FANCI: variants seen among roughly 807,000 people sequenced by gnomAD.
FANCI encodes the protein Fanconi anemia group I protein.
In FANCI, 156 loss-of-function variants were observed where a neutral mutation model predicts 176.1. That is an observed-to-expected ratio of 0.89 (90% CI 0.78 to 1.01). The LOEUF is 1.01. Ranked by LOEUF, FANCI falls within the 50% of genes least tolerant of loss-of-function variation. The probability of loss-of-function intolerance (pLI) is 0.00; values close to 1 mark genes in which losing one functional copy is unlikely to be tolerated. For synonymous variants in FANCI, 613 were observed against 541.7 expected, an observed-to-expected ratio of 1.13 and a Z score of -1.83; for missense variants, 1,678 against 1,534.1, an observed-to-expected ratio of 1.09 and a Z score of -1.57.
At chr15:89,262,030 TAGTG>T (rs2052732683) in intron 6 of FANCI, 152 bp downstream of exon 6, 1 of 704,568 alleles carries the variant, frequency 1.4e-6, no homozygotes. Flanking sequence ...TGCAATGAAT[TAGTG>T]AGAAAGAAAT....
chr15:89,258,374 A>G (rs534501370), intron 2 of FANCI, among the ~76,000 whole-genome samples: 1 of 152,296 alleles, frequency 6.6e-6, no homozygotes, highest in African/African-American at 2.4e-5. Flanking sequence ...ACTCTGAGTC[A>G]AATTACTATG....
intron 37 of FANCI, among the ~76,000 whole-genome samples, chr15:89,316,131 GCTT>G (rs1317468719): frequency 6.6e-6 from 1 of 152,268 alleles, no homozygotes; most frequent in South Asian, 2.1e-4. Flanking sequence ...GATGTCAATG[GCTT>G]CTTCTCTTGT....
At position 89,307,697 on chromosome 15, in the gene FANCI, A is replaced by G. The variant is rs564772882; in HGVS notation, c.3651+25A>G. On this transcript the variant is annotated intron_variant, in intron 34 of 37. Coordinates refer to ENST00000310775, the MANE Select transcript of FANCI (RefSeq NM_001113378.2). Reference sequence around the variant, plus strand: ...GGTAAGAGATTCAGAGGCAGTACCCAATAGGTCTTCAAGAAAGGATTTCTT... The same window carrying G: ...GGTAAGAGATTCAGAGGCAGTACCCGATAGGTCTTCAAGAAAGGATTTCTT... 2.3e-5 allele frequency: 37 copies of G among 1,614,162 alleles called. No homozygotes were observed. The South Asian group carries it at 3.4e-4, about 15-fold the overall frequency.
At chr15:89,251,049 G>GA (rs1310851484) in intron 2 of FANCI, among the ~76,000 whole-genome samples, 3 of 151,640 alleles carry the variant, frequency 2.0e-5, no homozygotes, top group Non-Finnish European at 4.4e-5. Context: ...CTTTGTGGGG[G>GA]AAAAAAACAC....
In FANCI at chr15:89,270,766, A is replaced by G. The variant is rs754603224; in HGVS notation, c.882+2241A>G. Among the ~76,000 whole-genome samples, 12 of 152,200 alleles carry G rather than the reference A, an allele frequency of 7.9e-5. No individual in the cohort carries two copies. The East Asian group carries it at 1.2e-3, about 15-fold the overall frequency. ...CAAATTTAGCCAGTTGGATCCTTCAAGTCAGCTTATGTGTTCTTTTGATGT... is the reference window on the plus strand; with the variant it reads ...CAAATTTAGCCAGTTGGATCCTTCAGGTCAGCTTATGTGTTCTTTTGATGT... On this transcript the variant is annotated intron_variant, in intron 10 of 37. Transcript: ENST00000310775.
intron 24 of FANCI, among the ~76,000 whole-genome samples, chr15:89,297,125 C>T (rs1458832094): frequency 2.0e-4 from 30 of 147,192 alleles, no homozygotes; most frequent in Non-Finnish European, 2.9e-4. Context: ...TCAGACGGGG[C>T]GGCTGCCGGG....
At chr15:89,312,272 A>AGGGACG (rs1044721528) in intron 34 of FANCI, among the ~76,000 whole-genome samples, 2 of 152,164 alleles carry the variant, frequency 1.3e-5, no homozygotes, top group Non-Finnish European at 2.9e-5. Flanking sequence ...CCACCTTGAC[A>AGGGACG]GTCCCCATTT....
chr15:89,313,018 C>A (rs369678657), intron 35 of FANCI, 46 bp downstream of exon 35: 1 of 1,560,872 alleles, frequency 6.4e-7, no homozygotes, highest in African/African-American at 1.4e-5. Flanking sequence ...TTGGTGAACC[C>A]GAAAACATGA....
intron 2 of FANCI, among the ~76,000 whole-genome samples, chr15:89,250,517 T>A (rs1423305429): frequency 8.0e-6 from 1 of 125,062 alleles, no homozygotes; most frequent in East Asian, 2.5e-4. Flanking sequence ...GACACGGGAA[T>A]GGGAACATCA....
chr15:89,247,778 A>T, intron 2 of FANCI, 47 bp downstream of exon 2: 2 of 1,520,896 alleles, frequency 1.3e-6, no homozygotes, highest in Non-Finnish European at 1.8e-6. Flanking sequence ...GTCAGGCATG[A>T]TGACACATTC....
At position 89,305,180 on chromosome 15, in the gene FANCI, C is replaced by G. The variant is rs752438879; in HGVS notation, c.3124C>G (p.Pro1042Ala). The change falls in exon 29 of 38, where the codon CCT becomes GCT. Residue 1042 changes from proline (P) to alanine (A), a missense_variant. Transcript: ENST00000310775. ...CAGCCTGCATGTTTCGTATAAGAGT[C>G]CTGTCATTCTGCTGCGTGACTTGTC... ...LFSLHVSYKS[P>A]VILLRDLSQD... 12 of 1,614,212 alleles carry G rather than the reference C, an allele frequency of 7.4e-6. No individual in the cohort carries two copies. The South Asian group carries it at 1.2e-4, about 16-fold the overall frequency.
intron 16 of FANCI, chr15:89,282,821 T>G: frequency 2.7e-6 from 1 of 367,452 alleles, no homozygotes; most frequent in Non-Finnish European, 5.2e-6. Context: ...ATCAGCAATT[T>G]CTTACATTTG....
At chr15:89,246,763 C>CTTTTTTTT (rs35104299) in intron 1 of FANCI, among the ~76,000 whole-genome samples, 39 of 113,944 alleles carry the variant, frequency 3.4e-4, no homozygotes, top group Middle Eastern at 5.6e-3. Context: ...TTCTTCCTTT[C>CTTTTTTTT]TTTTTTTTTT....
chr15:89,311,258 C>CAA (rs946956959), intron 34 of FANCI, among the ~76,000 whole-genome samples: 1 of 124,620 alleles, frequency 8.0e-6, no homozygotes, highest in African/African-American at 3.0e-5. Flanking sequence ...GACTCTGTCT[C>CAA]AAAAAAAAAA....
intron 10 of FANCI, 106 bp downstream of exon 10, chr15:89,268,631 A>G: frequency 7.2e-7 from 1 of 1,397,442 alleles, no homozygotes; most frequent in East Asian, 2.3e-5. Flanking sequence ...CTGTAAAATG[A>G]CCCTGGGTGT....
chr15:89,302,863 G>A (rs1041887288), intron 27 of FANCI, among the ~76,000 whole-genome samples: 52 of 152,072 alleles, frequency 3.4e-4, no homozygotes, highest in African/African-American at 1.2e-3. Context: ...GTGAGCCACC[G>A]CGCCTGGCCA....
chr15:89,274,080 G>T (rs2053312582), intron 11 of FANCI, 88 bp from the exon 12 acceptor site: 2 of 1,030,164 alleles, frequency 1.9e-6, no homozygotes, highest in Admixed American at 2.4e-5. Context: ...TATAATATTT[G>T]CTTTATTTTC....
chr15:89,270,611 G>T (rs556185425), intron 10 of FANCI, among the ~76,000 whole-genome samples: 1 of 151,668 alleles, frequency 6.6e-6, no homozygotes, highest in South Asian at 2.1e-4. Context: ...TTATTAGCTG[G>T]CATTCTTCTG....
rs567157829 is a variant in FANCI at position 89,306,121 on chromosome 15, C to T, written c.3464C>T (p.Ser1155Leu). Residue 1155 changes from serine (S) to leucine (L), a missense_variant, in exon 32 of 38, where the codon TCA (serine) becomes TTA (leucine). By Grantham distance (145) the Ser-to-Leu change is moderately radical. Around this residue, in one of 3 missense-constraint regions of FANCI, gnomAD observed 1,204 missense variants for 1,077.4 expected, o/e 1.12. Coordinates refer to ENST00000310775, the MANE Select transcript of FANCI (RefSeq NM_001113378.2). The part of the protein sequence containing the change: ...FHELVQTALP[S>L]GSCVDTLLKD... ...GAGCTGGTGCAGACAGCTCTGCCAT[C>T]AGGCAGCTGTGTGGACACCTTGTTA... 11 of 1,614,164 alleles carry T rather than the reference C, an allele frequency of 6.8e-6. No individual in the cohort carries two copies. Among genetic ancestry groups the T allele is most frequent in the South Asian group, 2.2e-5 (2 of 91,086 alleles).
Sources: gnomAD v4.1 joint callset for allele counts (sites outside exome capture counted in the v4.1 genomes callset) on GRCh38, gnomAD v4.1.1 for gene constraint, gnomAD v4.1.1 regional missense constraint, MANE v1.5 for transcripts, NCBI Gene and HGNC (gene_info 2026-07-23, HGNC 2026-07-21) for gene names.